The following CSNK2A2 variants were observed in gnomAD, a reference collection of about 807,000 sequenced individuals.
CSNK2A2 encodes casein kinase 2 alpha 2, also known as casein kinase II subunit alpha'.
A neutral mutation model predicts 54.0 loss-of-function variants in CSNK2A2; 8 were observed. The observed-to-expected ratio is 0.15, with a 90% CI of 0.09 to 0.27. The LOEUF (loss-of-function observed/expected upper bound fraction) is 0.27, where lower values mean the gene tolerates loss of function less well. Ranked by LOEUF, CSNK2A2 falls within the 10% of genes least tolerant of loss-of-function variation. The pLI is 1.00. For synonymous variants in CSNK2A2, 141 were observed against 153.9 expected (o/e 0.92, Z 0.62); for missense variants, 242 against 439.4 (o/e 0.55, Z 4.02).
chr16:58,161,772 T>C (rs966351319), intron 11 of CSNK2A2: 5 of 152,158 alleles, frequency 3.3e-5, no homozygotes, highest in African/African-American at 1.2e-4. Context: ...GGGGTGAGCA[T>C]TTCAAGCCCA....
intron 9 of CSNK2A2, among the ~76,000 whole-genome samples, chr16:58,166,270 T>A (rs533487044): frequency 6.6e-6 from 1 of 152,304 alleles, no homozygotes; most frequent in Admixed American, 6.5e-5. Flanking sequence ...AAACTAAGTC[T>A]CTTATTCAAA....
chr16:58,196,524 A>G (rs1962454668), intron 2 of CSNK2A2, among the ~76,000 whole-genome samples: 1 of 152,190 alleles, frequency 6.6e-6, no homozygotes, highest in South Asian at 2.1e-4. Flanking sequence ...TGGGAGGCTG[A>G]GATGGATCAC....
chr16:58,194,734 T>C (rs1962391405), intron 2 of CSNK2A2, among the ~76,000 whole-genome samples: 1 of 152,230 alleles, frequency 6.6e-6, no homozygotes, highest in Non-Finnish European at 1.5e-5. Flanking sequence ...AGTTTCTTTG[T>C]GCCTAGGTCT....
Position 58,196,739 on chromosome 16 carries a change from G to T in CSNK2A2, c.210C>A (p.Ile70=), listed in dbSNP as rs1393792818. The T allele has an allele frequency of 6.2e-7, 1 of 1,608,772 alleles. No individual in the cohort carries two copies. Among genetic ancestry groups the T allele is most frequent in the Non-Finnish European group, 8.5e-7 (1 of 1,175,298 alleles). ...ITNNERVVVK[I]LKPVKKKKIK... ...CCACTCATAGGACACTCACCTTCAG[G>T]ATTTTTACAACCACTCTCTCATTGT... The change falls in exon 2 of 12, where the codon ATC becomes ATA. Residue 70 remains isoleucine, a synonymous_variant. Coordinates refer to ENST00000262506, the MANE Select transcript of CSNK2A2 (RefSeq NM_001896.4).
chr16:58,175,424 T>A (rs1961851849), intron 4 of CSNK2A2, among the ~76,000 whole-genome samples: 1 of 152,166 alleles, frequency 6.6e-6, no homozygotes, highest in Non-Finnish European at 1.5e-5. Context: ...GTTCTTCTAT[T>A]GAAAGAGAGA....
At chr16:58,184,377 A>G in intron 3 of CSNK2A2, 67 bp from the exon 4 acceptor site, 1 of 1,177,302 alleles carries the variant, frequency 8.5e-7, no homozygotes, top group Non-Finnish European at 1.2e-6. Flanking sequence ...GCTTCTGCCA[A>G]AATGGCCCAT....
At chr16:58,158,991 A>C (rs535870928) in intron 11 of CSNK2A2, 1 of 152,334 alleles carries the variant, frequency 6.6e-6, no homozygotes, top group East Asian at 1.9e-4. Context: ...GCACTACAGT[A>C]CTGAGGAAGG....
intron 4 of CSNK2A2, among the ~76,000 whole-genome samples, chr16:58,180,636 A>G (rs909817841): frequency 1.3e-5 from 2 of 152,196 alleles, no homozygotes; most frequent in African/African-American, 4.8e-5. Context: ...TACCCAATCT[A>G]TCTTATATAG....
intron 4 of CSNK2A2, among the ~76,000 whole-genome samples, chr16:58,178,903 T>C (rs1961951641): frequency 6.6e-6 from 1 of 152,148 alleles, no homozygotes; most frequent in African/African-American, 2.4e-5. Context: ...ATTATATAGG[T>C]CACGTTCTCT....
At chr16:58,182,374 CAAAAAAAAAAAAAAAAAAA>C (rs71155249) in intron 4 of CSNK2A2, among the ~76,000 whole-genome samples, 1 of 25,738 alleles carries the variant, frequency 3.9e-5, no homozygotes, top group Non-Finnish European at 6.3e-5. Context: ...CTAAATATAC[CAAAAAAAAAAAAAAAAAAA>C]AAAAAAAAAA....
chr16:58,175,487 T>C lies in CSNK2A2; in HGVS notation c.370-977A>G, dbSNP rs570639579. 2.0e-5 allele frequency among the ~76,000 whole-genome samples: 3 copies of C among 152,292 alleles called. No homozygotes were observed. The East Asian group carries it at 5.8e-4, about 29-fold the overall frequency. On this transcript the variant is annotated intron_variant, in intron 4 of 11. Transcript: ENST00000262506. ...GGAACACAGAACAGTGTATATAATG[T>C]GTCTCTGTAATAAGGGGGAAAATAA... is the stretch of plus-strand genomic sequence containing the variant.
chr16:58,193,464 T>C (rs1962363815), intron 2 of CSNK2A2, among the ~76,000 whole-genome samples: 1 of 152,230 alleles, frequency 6.6e-6, no homozygotes, highest in African/African-American at 2.4e-5. Context: ...GTTTATAAAA[T>C]AAGACCTCTA....
intron 2 of CSNK2A2, among the ~76,000 whole-genome samples, chr16:58,190,791 G>A (rs1018794261): frequency 6.6e-6 from 1 of 152,232 alleles, no homozygotes; most frequent in Non-Finnish European, 1.5e-5. Flanking sequence ...ACTGCAGTCA[G>A]AATGTAAAAT....
At chr16:58,165,513 G>C in intron 10 of CSNK2A2, 47 bp downstream of exon 10, 1 of 1,527,666 alleles carries the variant, frequency 6.5e-7, no homozygotes, top group Non-Finnish European at 8.8e-7. Context: ...TGGAAGATTT[G>C]TTCTCTTGAC....
intron 2 of CSNK2A2, among the ~76,000 whole-genome samples, chr16:58,194,274 T>C (rs1301238882): frequency 6.6e-6 from 1 of 152,222 alleles, no homozygotes; most frequent in Non-Finnish European, 1.5e-5. Flanking sequence ...AGCACCACAA[T>C]AGTAGCTATT....
At position 58,182,374 on chromosome 16, in the gene CSNK2A2, C is replaced by CAAAAAAAAA. The variant is rs71155249; in HGVS notation, c.369+1877_369+1885dup. ...AAAACCCCATTTCTACTAAATATAC[C>CAAAAAAAAA]AAAAAAAAAAAAAAAAAAAAAAAAA... On this transcript the variant is annotated intron_variant, in intron 4 of 11. Coordinates refer to ENST00000262506, the MANE Select transcript of CSNK2A2 (RefSeq NM_001896.4). 1.0e-3 allele frequency among the ~76,000 whole-genome samples: 26 copies of CAAAAAAAAA among 25,746 alleles called. 5 individuals carry two copies. Among genetic ancestry groups the CAAAAAAAAA allele is most frequent in the African/African-American group, 3.6e-3 (17 of 4,714 alleles). 16.9% of individuals were successfully genotyped at this position (25,746 alleles called of 152,430 possible). A position where few individuals can be genotyped will look rare whatever the true frequency, so the allele number is the denominator to read the frequency against.
At chr16:58,177,343 T>A (rs1390916326) in intron 4 of CSNK2A2, among the ~76,000 whole-genome samples, 1 of 152,196 alleles carries the variant, frequency 6.6e-6, no homozygotes, top group Non-Finnish European at 1.5e-5. Context: ...AACAATCCAC[T>A]GCAAAATGCT....
rs536408988 is a variant in CSNK2A2, at chr16:58,180,076, C to T, written c.369+4184G>A. Among the ~76,000 whole-genome samples, 82 of 106,826 alleles carry T rather than the reference C, an allele frequency of 7.7e-4. No individual in the cohort carries two copies. The Middle Eastern group carries it at 0.02, about 26-fold the overall frequency. The allele number at this position is 106,826 out of a possible 152,430, so 70.1% of individuals were successfully genotyped here. On this transcript the variant is annotated intron_variant, in intron 4 of 11. Coordinates refer to ENST00000262506, the MANE Select transcript of CSNK2A2 (RefSeq NM_001896.4). Reference sequence around the variant, plus strand: ...CCTGGGCAACAGAGCGAGACTCCTTCTCAAAAAAAAAAAAAAAAAGAAAAA... The same window carrying T: ...CCTGGGCAACAGAGCGAGACTCCTTTTCAAAAAAAAAAAAAAAAAGAAAAA...
At chr16:58,177,226 C>A (rs1395213895) in intron 4 of CSNK2A2, among the ~76,000 whole-genome samples, 3 of 152,178 alleles carry the variant, frequency 2.0e-5, no homozygotes, top group African/African-American at 7.2e-5. Flanking sequence ...AGCACTCTTC[C>A]AAGAAACAGA....
Sources: allele counts gnomAD v4.1 joint callset (sites outside exome capture counted in the v4.1 genomes callset), GRCh38; gene constraint gnomAD v4.1.1; transcripts MANE v1.5; gene names NCBI Gene and HGNC (gene_info 2026-07-23, HGNC 2026-07-21).